Variants in HIVEP3 observed in about 807,000 individuals in gnomAD.
The protein encoded by HIVEP3 is transcription factor HIVEP3.
Under a neutral mutation model 152.8 loss-of-function variants are expected in HIVEP3, and 49 were observed. The observed-to-expected ratio is 0.32, with a 90% CI of 0.26 to 0.41. The LOEUF is 0.41. Among genes scored for constraint, HIVEP3 ranks in the 10% least tolerant of loss-of-function variants. The probability of loss-of-function intolerance (pLI) is 1.00; values close to 1 mark genes in which losing one functional copy is unlikely to be tolerated. For synonymous variants in HIVEP3, 1,269 were observed against 1,289.0 expected, an observed-to-expected ratio of 0.98 and a Z score of 0.33; for missense variants, 2,790 against 3,103.3, an observed-to-expected ratio of 0.90 and a Z score of 2.40.
chr1:41,890,343 G>C (rs1315091243), intron 1 of HIVEP3, among the ~76,000 whole-genome samples: 1 of 152,128 alleles, frequency 6.6e-6, no homozygotes, highest in Non-Finnish European at 1.5e-5. Flanking sequence ...CAAGAGCTAG[G>C]GTAGAAAAGA....
chr1:41,523,326 T>A (rs1642814359), intron 6 of HIVEP3, among the ~76,000 whole-genome samples: 1 of 152,152 alleles, frequency 6.6e-6, no homozygotes, highest in Non-Finnish European at 1.5e-5. Context: ...ATGTGCCCTC[T>A]CTGGGCAACC....
intron 2 of HIVEP3, among the ~76,000 whole-genome samples, chr1:41,686,585 TGA>T (rs1430261061): frequency 6.6e-6 from 1 of 152,164 alleles, no homozygotes; most frequent in Non-Finnish European, 1.5e-5. Context: ...AGCTGGATTG[TGA>T]GAGTGTGCTG....
At chr1:41,925,043 TA>T (rs1644960892) in intron 1 of HIVEP3, among the ~76,000 whole-genome samples, 1 of 152,238 alleles carries the variant, frequency 6.6e-6, no homozygotes, top group Non-Finnish European at 1.5e-5. Flanking sequence ...ATGCTTGTTC[TA>T]GAACAGAGGT....
chr1:41,561,460 G>A (rs1024528363), intron 5 of HIVEP3, among the ~76,000 whole-genome samples: 1 of 151,932 alleles, frequency 6.6e-6, no homozygotes, highest in Admixed American at 6.6e-5. Context: ...GAAAATTCAG[G>A]TGGACCCACA....
At chr1:41,999,073 T>G (rs1005053248) in intron 1 of HIVEP3, among the ~76,000 whole-genome samples, 4 of 151,740 alleles carry the variant, frequency 2.6e-5, no homozygotes, top group African/African-American at 9.7e-5. Context: ...TTTTTGTATT[T>G]TTAGTAGAGA....
chr1:41,691,983 T>C (rs755425007), intron 2 of HIVEP3, among the ~76,000 whole-genome samples: 2 of 152,012 alleles, frequency 1.3e-5, no homozygotes, highest in Admixed American at 6.6e-5. Flanking sequence ...TAGCTGGGAT[T>C]ACAGGCCTGC....
intron 2 of HIVEP3, among the ~76,000 whole-genome samples, chr1:41,675,574 A>G (rs1329647033): frequency 6.6e-6 from 1 of 152,146 alleles, no homozygotes. Context: ...TTTGCTCACC[A>G]TGGAATCTCC....
At chr1:41,692,971 C>G (rs1404435066) in intron 2 of HIVEP3, among the ~76,000 whole-genome samples, 3 of 152,204 alleles carry the variant, frequency 2.0e-5, no homozygotes, top group African/African-American at 7.2e-5. Context: ...AGGGGCCCAA[C>G]CCTCTGCTAA....
At chr1:41,866,977 C>G (rs1434306222) in intron 1 of HIVEP3, among the ~76,000 whole-genome samples, 1 of 152,240 alleles carries the variant, frequency 6.6e-6, no homozygotes, top group East Asian at 1.9e-4. Context: ...TCAGGCATAA[C>G]AGGCAAAACA....
At chr1:41,982,275 A>T (rs551791802) in intron 1 of HIVEP3, among the ~76,000 whole-genome samples, 2 of 152,374 alleles carry the variant, frequency 1.3e-5, no homozygotes, top group South Asian at 4.1e-4. Context: ...GGGGATTCAA[A>T]GGTAACAAAA....
chr1:41,905,265 G>T (rs1644691994), intron 1 of HIVEP3, among the ~76,000 whole-genome samples: 1 of 152,154 alleles, frequency 6.6e-6, no homozygotes, highest in South Asian at 2.1e-4. Context: ...AGCAGCAGGA[G>T]GGGGCAGCCA....
At chr1:41,860,553 G>A (rs1269766635) in intron 1 of HIVEP3, among the ~76,000 whole-genome samples, 1 of 152,228 alleles carries the variant, frequency 6.6e-6, no homozygotes, top group Admixed American at 6.5e-5. Context: ...TTTGTAGTAA[G>A]CAGACACCTG....
intron 1 of HIVEP3, among the ~76,000 whole-genome samples, chr1:41,835,691 A>G (rs1249197371): frequency 6.6e-6 from 1 of 152,070 alleles, no homozygotes; most frequent in Non-Finnish European, 1.5e-5. Context: ...AGATCACGCT[A>G]ATATTCCTTA....
intron 2 of HIVEP3, among the ~76,000 whole-genome samples, chr1:41,642,728 T>C (rs1645393982): frequency 6.6e-6 from 1 of 152,188 alleles, no homozygotes; most frequent in Admixed American, 6.5e-5. Flanking sequence ...ATTCTCTCAA[T>C]TTACTAACCC....
In HIVEP3 at chr1:41,582,487, T is replaced by C. The variant is rs1390849608; in HGVS notation, c.2311A>G (p.Thr771Ala). The C allele has an allele frequency of 6.2e-6, 10 of 1,613,220 alleles. No individual in the cohort carries two copies. The highest frequency in any genetic ancestry group is 8.5e-6 in the Non-Finnish European group (10 of 1,179,330). ...TTGGGAGTCCTTGGCTGGAAGCCCG[T>C]GGGTCCCTCCAAGGAGGGCACTGAT... ...SKSVPSLEGP[T>A]GFQPRTPKPG... Residue 771 changes from threonine (T) to alanine (A), a missense_variant, in exon 4 of 9, where the codon ACG (threonine) becomes GCG (alanine). Physicochemically the swap from Thr to Ala is moderately conservative, Grantham distance 58. Coordinates refer to ENST00000372583, the MANE Select transcript of HIVEP3 (RefSeq NM_024503.5). This position sits in a 1 kb window ranked among gnomAD's most constrained non-coding sequence, Gnocchi z 4.7.
chr1:41,981,422 G>C (rs1645293043), intron 1 of HIVEP3, among the ~76,000 whole-genome samples: 2 of 152,116 alleles, frequency 1.3e-5, no homozygotes, highest in South Asian at 4.2e-4. Flanking sequence ...GCTCCGTCGG[G>C]GGCAGGAGGG....
chr1:41,999,624 A>C (rs1645415690), intron 1 of HIVEP3, among the ~76,000 whole-genome samples: 1 of 152,232 alleles, frequency 6.6e-6, no homozygotes, highest in Non-Finnish European at 1.5e-5. Flanking sequence ...ATGGGAACCC[A>C]GAAAGGAAGG....
chr1:41,896,206 A>T (rs985996840), intron 1 of HIVEP3, among the ~76,000 whole-genome samples: 1 of 152,216 alleles, frequency 6.6e-6, no homozygotes, highest in Non-Finnish European at 1.5e-5. Context: ...TAAAATGGGA[A>T]TAAAAACAAT....
chr1:41,655,749 T>C (rs1645620273), intron 2 of HIVEP3, among the ~76,000 whole-genome samples: 1 of 152,108 alleles, frequency 6.6e-6, no homozygotes, highest in African/African-American at 2.4e-5. Flanking sequence ...ACGATTGGCC[T>C]CCCTCCACTA....
Sources: allele counts gnomAD v4.1 joint callset (sites outside exome capture counted in the v4.1 genomes callset), GRCh38; gene constraint gnomAD v4.1.1; non-coding constraint Gnocchi (gnomAD v3.1); transcripts MANE v1.5; gene names NCBI Gene and HGNC (gene_info 2026-07-23, HGNC 2026-07-21).